The following KAZN variants were observed in gnomAD, a reference collection of about 807,000 sequenced individuals.
The protein encoded by KAZN is kazrin.
Under a neutral mutation model 87.4 loss-of-function variants are expected in KAZN, and 40 were observed. That is an observed-to-expected ratio of 0.46 (90% confidence interval 0.36 to 0.60). The LOEUF (loss-of-function observed/expected upper bound fraction) is 0.60, where lower values mean the gene tolerates loss of function less well. Ranked by LOEUF, KAZN falls within the 20% of genes least tolerant of loss-of-function variation. The probability of loss-of-function intolerance (pLI) is 0.00; values close to 1 mark genes in which losing one functional copy is unlikely to be tolerated. For synonymous variants in KAZN, 466 were observed against 458.3 expected, an observed-to-expected ratio of 1.02 and a Z score of -0.22; for missense variants, 898 against 1,073.9, an observed-to-expected ratio of 0.84 and a Z score of 2.29.
chr1:14,563,874 C>CTTTTTTTTTTTT lies in KAZN; in HGVS notation c.250-35106_250-35095dup, dbSNP rs540880203. Among the ~76,000 whole-genome samples, 49 of 97,920 alleles carry CTTTTTTTTTTTT rather than the reference C, an allele frequency of 5.0e-4. 10 individuals are homozygous for CTTTTTTTTTTTT. Among genetic ancestry groups the CTTTTTTTTTTTT allele is most frequent in the East Asian group, 9.1e-4 (2 of 2,204 alleles). 64.2% of individuals were successfully genotyped at this position (97,920 alleles called of 152,430 possible). ...TGCACTCAGAGTATGGTTCAAACTC[C>CTTTTTTTTTTTT]TTTTTTTTTTTTTTGTCTGAGACAG... On this transcript the variant is annotated intron_variant, in intron 2 of 16. Transcript: ENST00000636203.
chr1:14,725,272 G>C lies in KAZN; in HGVS notation c.226+126049G>C, dbSNP rs181873389. Among the ~76,000 whole-genome samples the C allele has an allele frequency of 7.9e-5, 12 of 152,114 alleles. No homozygotes were observed. The East Asian group carries it at 1.9e-3, about 24-fold the overall frequency. On this transcript the variant is annotated intron_variant, in intron 1 of 14. Coordinates refer to ENST00000376030, the MANE Select transcript of KAZN (RefSeq NM_201628.3). The stretch of plus-strand genomic sequence containing the variant: ...CACTCACCTTCATCTACTCTTCATT[G>C]CGTCAATGCAGACATCACTTCATCA...
rs557597120 is a variant in KAZN at position 14,588,879 on chromosome 1, T to A, written c.250-10104T>A. Among the ~76,000 whole-genome samples, 5 of 152,308 alleles carry A rather than the reference T, an allele frequency of 3.3e-5. No individual in the cohort carries two copies. The East Asian group carries it at 5.8e-4, about 18-fold the overall frequency. ...TAGACAGTTTCATCTCTTGAATACA[T>A]GACAATTGTTTCAGAGCCTGGACAG... On this transcript the variant is annotated intron_variant, in intron 2 of 16. Transcript: ENST00000636203.
intron 1 of KAZN, among the ~76,000 whole-genome samples, chr1:14,680,671 T>G (rs1410698056): frequency 6.6e-6 from 1 of 152,170 alleles, no homozygotes; most frequent in Non-Finnish European, 1.5e-5. Flanking sequence ...GTCCGTGTGT[T>G]CTCATTGTTT....
At chr1:14,212,963 A>C (rs1481455947) in intron 2 of KAZN, among the ~76,000 whole-genome samples, 1 of 152,236 alleles carries the variant, frequency 6.6e-6, no homozygotes, top group Non-Finnish European at 1.5e-5. Context: ...TTCTTTAATT[A>C]ATAAATCCCT....
chr1:13,968,697 T>C (rs1033263589), intron 1 of KAZN, among the ~76,000 whole-genome samples: 4 of 152,264 alleles, frequency 2.6e-5, no homozygotes, highest in Non-Finnish European at 4.4e-5. Context: ...AATCCTTTCT[T>C]TTCCTAGCTT....
At chr1:14,581,654 G>A (rs778180854) in intron 2 of KAZN, among the ~76,000 whole-genome samples, 32 of 152,108 alleles carry the variant, frequency 2.1e-4, no homozygotes, top group Non-Finnish European at 3.2e-4. Context: ...GGACCTGATC[G>A]GGTCCTACTT....
At chr1:14,289,357 G>A (rs1156736969) in intron 2 of KAZN, among the ~76,000 whole-genome samples, 2 of 152,148 alleles carry the variant, frequency 1.3e-5, no homozygotes, top group African/African-American at 4.8e-5. Flanking sequence ...TTATGAATCT[G>A]GGTGCTCCTG....
intron 1 of KAZN, among the ~76,000 whole-genome samples, chr1:14,900,727 C>G (rs568605718): frequency 1.4e-5 from 2 of 144,672 alleles, no homozygotes; most frequent in Non-Finnish European, 1.5e-5. Flanking sequence ...GCACTCCAGC[C>G]TGGGCGACAG....
At chr1:14,529,489 T>C (rs1222468214) in intron 2 of KAZN, among the ~76,000 whole-genome samples, 1 of 152,124 alleles carries the variant, frequency 6.6e-6, no homozygotes, top group Non-Finnish European at 1.5e-5. Flanking sequence ...TAAATAACGA[T>C]CTTGGAATGT....
intron 2 of KAZN, among the ~76,000 whole-genome samples, chr1:14,559,951 G>A (rs369285806): frequency 6.6e-6 from 1 of 152,188 alleles, no homozygotes; most frequent in Admixed American, 6.5e-5. Flanking sequence ...TTGCTATGCA[G>A]CAAAATTAGA....
chr1:14,414,603 A>G (rs1664590727), intron 2 of KAZN, among the ~76,000 whole-genome samples: 1 of 151,368 alleles, frequency 6.6e-6, no homozygotes, highest in South Asian at 2.1e-4. Context: ...ACAATCTTGC[A>G]TGCACATACC....
intron 2 of KAZN, among the ~76,000 whole-genome samples, chr1:14,389,749 A>G (rs1662258700): frequency 1.3e-5 from 2 of 152,200 alleles, no homozygotes; most frequent in African/African-American, 2.4e-5. Context: ...GTGGGGATGG[A>G]TAATGGGTAC....
intron 1 of KAZN, among the ~76,000 whole-genome samples, chr1:14,835,713 G>T (rs1394637218): frequency 6.6e-6 from 1 of 152,052 alleles, no homozygotes; most frequent in Non-Finnish European, 1.5e-5. Flanking sequence ...GTGCTTCCAG[G>T]GCCCCTTTTG....
chr1:14,227,447 C>T (rs1251879455), intron 2 of KAZN, among the ~76,000 whole-genome samples: 1 of 152,170 alleles, frequency 6.6e-6, no homozygotes, highest in Non-Finnish European at 1.5e-5. Context: ...ACTCACCTGG[C>T]TCCTTGGCTG....
chr1:14,403,253 C>T (rs912788642), intron 2 of KAZN, among the ~76,000 whole-genome samples: 2 of 152,102 alleles, frequency 1.3e-5, no homozygotes, highest in Non-Finnish European at 2.9e-5. Context: ...AATGAAAGTA[C>T]ATCCTTACTT....
At chr1:14,164,352 G>T (rs1645773675) in intron 1 of KAZN, among the ~76,000 whole-genome samples, 3 of 151,910 alleles carry the variant, frequency 2.0e-5, no homozygotes, top group African/African-American at 7.3e-5. Flanking sequence ...CTGACTGTTG[G>T]CACAAGGTCT....
chr1:14,500,959 G>C (rs761977943), intron 2 of KAZN, among the ~76,000 whole-genome samples: 2 of 151,834 alleles, frequency 1.3e-5, no homozygotes, highest in Admixed American at 6.6e-5. Flanking sequence ...GTTTTAAAAA[G>C]TTCCCACAAA....
intron 1 of KAZN, among the ~76,000 whole-genome samples, chr1:14,739,470 T>C (rs1180729412): frequency 2.0e-5 from 3 of 152,024 alleles, no homozygotes; most frequent in African/African-American, 7.2e-5. Context: ...GTGTGATAAC[T>C]TCGCACCTCC....
At chr1:14,063,551 C>G (rs528570812) in intron 1 of KAZN, among the ~76,000 whole-genome samples, 1 of 152,288 alleles carries the variant, frequency 6.6e-6, no homozygotes, top group South Asian at 2.1e-4. Context: ...TAGCTGACAT[C>G]TGTAAAGTTT....
Sources: allele counts gnomAD v4.1 joint callset (sites outside exome capture counted in the v4.1 genomes callset), GRCh38; gene constraint gnomAD v4.1.1; transcripts MANE v1.5; gene names NCBI Gene and HGNC (gene_info 2026-07-23, HGNC 2026-07-21).